Variants in NKX2-2 observed in about 807,000 individuals in gnomAD.
NKX2-2 encodes the protein NK2 homeobox 2, also known as homeobox protein Nkx-2.2.
A neutral mutation model predicts 24.6 loss-of-function variants in NKX2-2; 8 were observed. The observed-to-expected ratio is 0.32, with a 90% CI of 0.19 to 0.59. The LOEUF (loss-of-function observed/expected upper bound fraction) is 0.59, where lower values mean the gene tolerates loss of function less well. NKX2-2 is among the 20% of genes least tolerant of loss of function. The probability of loss-of-function intolerance (pLI) is 0.86; values close to 1 mark genes in which losing one functional copy is unlikely to be tolerated. For synonymous variants in NKX2-2, 217 were observed against 173.3 expected (o/e 1.25, Z -1.98); for missense variants, 381 against 373.9 (o/e 1.02, Z -0.16).
Position 21,511,154 on chromosome 20 carries a change from G to T in NKX2-2, c.*769C>A, listed in dbSNP as rs1189358372. On this transcript the variant is annotated 3_prime_UTR_variant, in exon 2 of 2. Transcript: ENST00000377142. ...CGGGGCTGAAGGCCCGGAGGACAGGGCAGAGGGCTCCCTGCCTACAGGGTT... is the reference window on the plus strand; with the variant it reads ...CGGGGCTGAAGGCCCGGAGGACAGGTCAGAGGGCTCCCTGCCTACAGGGTT... 1 of 152,696 alleles carries T rather than the reference G, an allele frequency of 6.5e-6. No individual in the cohort carries two copies. Among genetic ancestry groups the T allele is most frequent in the East Asian group, 1.9e-4 (1 of 5,196 alleles). 9.5% of individuals were successfully genotyped at this position (152,696 alleles called of 1,614,324 possible).
chr20:21,518,449 C>G (rs1217201365), upstream of NKX2-2, among the ~76,000 whole-genome samples: 1 of 152,222 alleles, frequency 6.6e-6, no homozygotes, highest in Non-Finnish European at 1.5e-5. Flanking sequence ...GAGCCTCGCT[C>G]TCTCTGCTGC....
upstream of NKX2-2, among the ~76,000 whole-genome samples, chr20:21,518,556 T>G (rs1980697166): frequency 1.3e-5 from 2 of 152,158 alleles, no homozygotes; most frequent in Non-Finnish European, 2.9e-5. Flanking sequence ...GAGGCGAATG[T>G]ACACAGGCTA....
At chr20:21,519,514 A>G in the NKX2-2 span, among the ~76,000 whole-genome samples, 1 of 152,160 alleles carries the variant, frequency 6.6e-6, no homozygotes, top group Non-Finnish European at 1.5e-5. Context: ...TGGGGAAGGA[A>G]AATGTCACCC....
chr20:21,513,333 A>G lies in NKX2-2; in HGVS notation c.259+78T>C. On this transcript the variant is annotated intron_variant, in intron 1 of 1. Coordinates refer to ENST00000377142, the MANE Select transcript of NKX2-2 (RefSeq NM_002509.4). The surrounding 1 kb of genome is among the most constrained non-coding windows in gnomAD (Gnocchi z 4.6). ...GGCTTACATGGCCCCTTCCCCTTTC[A>G]CTCCCAGCGTCCAACCCGGGCTGCG... The G allele has an allele frequency of 6.9e-7, 1 of 1,442,752 alleles. No individual in the cohort carries two copies. Among genetic ancestry groups the G allele is most frequent in the Middle Eastern group, 1.9e-4 (1 of 5,154 alleles). 89.4% of individuals were successfully genotyped at this position (1,442,752 alleles called of 1,614,324 possible).
At chr20:21,514,996 C>A (rs1402063430), upstream of NKX2-2, among the ~76,000 whole-genome samples, 1 of 151,960 alleles carries the variant, frequency 6.6e-6, no homozygotes, top group African/African-American at 2.4e-5. Flanking sequence ...CCCGCCTCCA[C>A]CTCTCTGCGG....
upstream of NKX2-2, among the ~76,000 whole-genome samples, chr20:21,514,838 CGA>C (rs1980578395): frequency 6.6e-6 from 1 of 152,200 alleles, no homozygotes; most frequent in African/African-American, 2.4e-5. Context: ...CAGTTAACCG[CGA>C]GAGAGCCCAA....
At position 21,513,652 on chromosome 20, in the gene NKX2-2, T is replaced by C; in HGVS notation, c.18A>G (p.Thr6=). The change falls in exon 1 of 2, where the codon ACA becomes ACG. Residue 6 remains threonine, a synonymous_variant. Coordinates refer to ENST00000377142, the MANE Select transcript of NKX2-2 (RefSeq NM_002509.4). This position sits in a 1 kb window ranked among gnomAD's most constrained non-coding sequence, Gnocchi z 4.6. The stretch of plus-strand genomic sequence containing the variant: ...TGTCCTTGACCGAAAACCCCGTCTT[T>C]GTGTTGGTCAGCGACATGGTTCGAG... MSLTN[T]KTGFSVKDIL... 6.3e-7 allele frequency: 1 copy of C among 1,581,088 alleles called. No homozygotes were observed. The highest frequency in any genetic ancestry group is 2.3e-5 in the East Asian group (1 of 42,894).
At chr20:21,521,017 A>C in the NKX2-2 span, among the ~76,000 whole-genome samples, 1 of 152,032 alleles carries the variant, frequency 6.6e-6, no homozygotes, top group Non-Finnish European at 1.5e-5. Context: ...CAGCACTTAA[A>C]GCTGGGTCGG....
At chr20:21,514,217 G>A (rs962005603), upstream of NKX2-2, among the ~76,000 whole-genome samples, 13 of 152,032 alleles carry the variant, frequency 8.6e-5, no homozygotes, top group Non-Finnish European at 1.3e-4. Context: ...AAAAAAGGGG[G>A]AAGAGACATT....
At chr20:21,522,063 C>A in the NKX2-2 span, among the ~76,000 whole-genome samples, 8 of 152,234 alleles carry the variant, frequency 5.3e-5, no homozygotes, top group African/African-American at 1.9e-4. Flanking sequence ...CCGGAAAGTG[C>A]GCAGCGGCGG....
Position 21,511,372 on chromosome 20 carries a change from C to A in NKX2-2, c.*551G>T, listed in dbSNP as rs574735907. 1 of 152,480 alleles carries A rather than the reference C, an allele frequency of 6.6e-6. No individual in the cohort carries two copies. The highest frequency in any genetic ancestry group is 2.4e-5 in the African/African-American group (1 of 41,388). The allele number at this position is 152,480 out of a possible 1,614,324, so 9.4% of individuals were successfully genotyped here. ...CAACAATCACCACCGATATTTACAA[C>A]GAAAAGCGAAATCTGCCACCAGTTG... is the stretch of plus-strand genomic sequence containing the variant. On this transcript the variant is annotated 3_prime_UTR_variant, in exon 2 of 2. Transcript: ENST00000377142.
At chr20:21,518,542 A>G (rs533657042), upstream of NKX2-2, among the ~76,000 whole-genome samples, 23 of 152,218 alleles carry the variant, frequency 1.5e-4, no homozygotes, top group African/African-American at 4.8e-4. Context: ...GAGGCCCAGG[A>G]GGGGAGGCGA....
At chr20:21,518,048 C>T (rs1339656637), upstream of NKX2-2, among the ~76,000 whole-genome samples, 1 of 152,210 alleles carries the variant, frequency 6.6e-6, no homozygotes, top group Non-Finnish European at 1.5e-5. Context: ...CAATGTCCTC[C>T]GTTCCGTCAA....
the NKX2-2 span, among the ~76,000 whole-genome samples, chr20:21,521,841 C>T: frequency 6.6e-6 from 1 of 152,200 alleles, no homozygotes; most frequent in Non-Finnish European, 1.5e-5. Flanking sequence ...GCGGCGACAG[C>T]CCCGCCGCAT....
chr20:21,522,009 G>T, the NKX2-2 span, among the ~76,000 whole-genome samples: 2 of 152,158 alleles, frequency 1.3e-5, no homozygotes, highest in Non-Finnish European at 2.9e-5. Context: ...TCCCAGCCCC[G>T]CACCTTCCCA....
chr20:21,515,271 G>A (rs1034741046), upstream of NKX2-2, among the ~76,000 whole-genome samples: 1 of 151,778 alleles, frequency 6.6e-6, no homozygotes, highest in African/African-American at 2.4e-5. Flanking sequence ...GATTGCGGGG[G>A]TGGGGGTGGG....
the NKX2-2 span, among the ~76,000 whole-genome samples, chr20:21,521,792 G>GCGCTCCGCGCGCC: frequency 0.012 from 1,781 of 152,316 alleles, 21 homozygotes; most frequent in Middle Eastern, 0.031. Flanking sequence ...AGCTAGCCAG[G>GCGCTCCGCGCGCC]CGCTCCGCGC....
rs985792012 is a variant in NKX2-2, at chr20:21,511,467, C to G, written c.*456G>C. On this transcript the variant is annotated 3_prime_UTR_variant, in exon 2 of 2. Transcript: ENST00000377142. ...TTTTTTAAAAAAAGGAAGAAATTCT[C>G]TGTATTTTTAAAGTGTTCTCCACTT... 1.3e-5 allele frequency: 2 copies of G among 154,076 alleles called. No homozygotes were observed. Among genetic ancestry groups the G allele is most frequent in the African/African-American group, 4.8e-5 (2 of 41,588 alleles). The allele number at this position is 154,076 out of a possible 1,614,324, so 9.5% of individuals were successfully genotyped here. A position where few individuals can be genotyped will look rare whatever the true frequency, so the allele number is the denominator to read the frequency against.
upstream of NKX2-2, among the ~76,000 whole-genome samples, chr20:21,517,374 C>T (rs576745422): frequency 4.6e-5 from 7 of 152,324 alleles, no homozygotes; most frequent in Admixed American, 1.3e-4. Context: ...GAGCTTCGGC[C>T]TTGCCTCCTC....
Sources: gnomAD v4.1 joint callset for allele counts (sites outside exome capture counted in the v4.1 genomes callset) on GRCh38, gnomAD v4.1.1 for gene constraint, Gnocchi (gnomAD v3.1) non-coding constraint, MANE v1.5 for transcripts, NCBI Gene and HGNC (gene_info 2026-07-23, HGNC 2026-07-21) for gene names.